The following GUCY2F variants were observed in gnomAD, a reference collection of about 807,000 sequenced individuals.
GUCY2F encodes the protein guanylate cyclase 2F, retinal.
Under a neutral mutation model 73.1 loss-of-function variants are expected in GUCY2F, and 61 were observed. The observed-to-expected ratio is 0.83, with a 90% CI of 0.68 to 1.03. GUCY2F has a LOEUF of 1.03. Among genes scored for constraint, GUCY2F ranks in the 50% least tolerant of loss-of-function variants. GUCY2F has a pLI of 0.00. For synonymous variants in GUCY2F, 331 were observed against 307.8 expected, an observed-to-expected ratio of 1.08 and a Z score of -0.79; for missense variants, 912 against 854.3, an observed-to-expected ratio of 1.07 and a Z score of -0.84.
chrX:109,442,114 A>G (rs1035714376), intron 6 of GUCY2F, among the ~76,000 whole-genome samples: 34 of 111,696 alleles, frequency 3.0e-4, no homozygotes, highest in Non-Finnish European at 6.2e-4. Flanking sequence ...CTATTTCTTG[A>G]TTTTTGAACT....
At chrX:109,451,781 G>A (rs1057394086) in intron 5 of GUCY2F, among the ~76,000 whole-genome samples, 3 of 111,415 alleles carry the variant, frequency 2.7e-5, no homozygotes, top group African/African-American at 6.5e-5. Context: ...CCATTGTGTT[G>A]AGAGCCAGAT....
At chrX:109,472,226 G>A (rs779055933) in intron 2 of GUCY2F, among the ~76,000 whole-genome samples, 15 of 107,529 alleles carry the variant, frequency 1.4e-4, no homozygotes, top group African/African-American at 5.2e-4. Flanking sequence ...CCACTGCTAC[G>A]GCCACGTGGC....
At chrX:109,383,411 C>T (rs1269903029) in intron 16 of GUCY2F, 37 of 730,877 alleles carry the variant, frequency 5.1e-5, no homozygotes, top group South Asian at 7.1e-5. Context: ...GACTGGGTCA[C>T]GAGTCACTTC....
chrX:109,383,709 G>A (rs1049813189), intron 16 of GUCY2F, among the ~76,000 whole-genome samples: 1 of 112,116 alleles, frequency 8.9e-6, no homozygotes, highest in Non-Finnish European at 1.9e-5. Context: ...ATAAACACCT[G>A]CTGTGGGTGA....
intron 7 of GUCY2F, among the ~76,000 whole-genome samples, chrX:109,440,940 G>A (rs1384946968): frequency 8.9e-6 from 1 of 112,068 alleles, no homozygotes; most frequent in Non-Finnish European, 1.9e-5. Context: ...AGTACAGGAA[G>A]AACAACTAGA....
chrX:109,398,743 A>G (rs1283657780), intron 10 of GUCY2F, 45 bp from the exon 11 acceptor site: 1 of 1,122,965 alleles, frequency 8.9e-7, no homozygotes, highest in Non-Finnish European at 1.2e-6. Context: ...GGATTAACTG[A>G]CAATATCTGC....
rs140547701 is a variant in GUCY2F, at chrX:109,470,214, T to C, written c.731-4771A>G. ...TGTTTTTCCTAAACTGCTATGTACA[T>C]AAGGCCTCTTAAATGCAAGAAGTCT... is the stretch of plus-strand genomic sequence containing the variant. On this transcript the variant is annotated intron_variant, in intron 2 of 19. Coordinates refer to ENST00000218006, the MANE Select transcript of GUCY2F (RefSeq NM_001522.3). Among the ~76,000 whole-genome samples, 1,047 of 112,178 alleles carry C rather than the reference T, an allele frequency of 9.3e-3. 11 individuals are homozygous for C. The highest frequency in any genetic ancestry group is 0.031 in the African/African-American group (967 of 30,870).
chrX:109,454,710 AT>A (rs896387039), intron 3 of GUCY2F, among the ~76,000 whole-genome samples: 4 of 111,921 alleles, frequency 3.6e-5, no homozygotes, highest in Non-Finnish European at 5.6e-5. Context: ...AAAATCTTGT[AT>A]CTTTTTTTCC....
chrX:109,390,700 G>A (rs1312801903), intron 14 of GUCY2F, among the ~76,000 whole-genome samples: 1 of 112,695 alleles, frequency 8.9e-6, no homozygotes, highest in Non-Finnish European at 1.9e-5. Context: ...AGTTTCAACT[G>A]AATTAGCTTT....
chrX:109,398,223 G>T (rs768670960), intron 11 of GUCY2F, among the ~76,000 whole-genome samples: 2 of 110,367 alleles, frequency 1.8e-5, no homozygotes, highest in South Asian at 8.3e-4. Context: ...CATCATGAGG[G>T]ATACTAAAAT....
At position 109,398,717 on chromosome X, in the gene GUCY2F, G is replaced by C. The variant is rs1338831456; in HGVS notation, c.2126-19C>G. 1 of 1,196,890 alleles carries C rather than the reference G, an allele frequency of 8.4e-7. No homozygotes were observed. The highest frequency in any genetic ancestry group is 1.1e-6 in the Non-Finnish European group (1 of 883,282). On this transcript the variant is annotated intron_variant, in intron 10 of 19. Coordinates refer to ENST00000218006, the MANE Select transcript of GUCY2F (RefSeq NM_001522.3). ...AGCAGCTCTAAAAAGAAAGCATTGT[G>C]TAATGAATGCAGGGAGGATTAACTG...
intron 19 of GUCY2F, among the ~76,000 whole-genome samples, chrX:109,374,897 A>T (rs953129793): frequency 8.9e-6 from 1 of 112,164 alleles, no homozygotes; most frequent in African/African-American, 3.2e-5. Flanking sequence ...GTAGAAATGA[A>T]GATGCATTGG....
Position 109,475,813 on chromosome X carries a change from TGACA to T in GUCY2F, c.120_123del (p.Val41CysfsTer14). 8.3e-7 allele frequency: 1 copy of T among 1,210,892 alleles called. No individual in the cohort carries two copies. On this transcript the variant is annotated frameshift_variant, in exon 2 of 20. Transcript: ENST00000218006. LOFTEE classifies it high-confidence loss of function. ...GTCCACACCTGCTGCGGAAGGGACA[TGACA>T]GACAGAAGGCACAAGCACCACAGGA...
intron 8 of GUCY2F, among the ~76,000 whole-genome samples, chrX:109,416,285 A>G (rs1394737121): frequency 9.0e-6 from 1 of 111,631 alleles, no homozygotes; most frequent in Non-Finnish European, 1.9e-5. Context: ...GATTTTATAA[A>G]TATATTTGAA....
chrX:109,383,311 GTAA>G, intron 16 of GUCY2F: 1 of 336,586 alleles, frequency 3.0e-6, no homozygotes, highest in African/African-American at 2.8e-5. Context: ...TTTCAGTAGA[GTAA>G]TCTTGATGGT....
intron 12 of GUCY2F, among the ~76,000 whole-genome samples, chrX:109,394,223 T>A (rs1351379521): frequency 1.8e-5 from 2 of 112,276 alleles, no homozygotes. Context: ...AGTCTCATGA[T>A]GTACACTCCC....
At chrX:109,402,530 G>A (rs944035017) in intron 10 of GUCY2F, among the ~76,000 whole-genome samples, 13 of 110,428 alleles carry the variant, frequency 1.2e-4, no homozygotes, top group Non-Finnish European at 1.7e-4. Flanking sequence ...GCGCCACCAC[G>A]CCCAGCTAAT....
intron 17 of GUCY2F, among the ~76,000 whole-genome samples, chrX:109,378,087 T>C (rs1217547713): frequency 9.0e-6 from 1 of 111,503 alleles, no homozygotes; most frequent in Non-Finnish European, 1.9e-5. Flanking sequence ...CCCCAAGCAG[T>C]CCTAGAGATC....
At chrX:109,432,044 C>A (rs1931629149) in intron 7 of GUCY2F, among the ~76,000 whole-genome samples, 1 of 111,559 alleles carries the variant, frequency 9.0e-6, no homozygotes, top group African/African-American at 3.3e-5. Context: ...AAGTGTGGTC[C>A]CTGGACCAGC....
Sources: gnomAD v4.1 joint callset for allele counts (sites outside exome capture counted in the v4.1 genomes callset) on GRCh38, gnomAD v4.1.1 for gene constraint, MANE v1.5 for transcripts, NCBI Gene and HGNC (gene_info 2026-07-23, HGNC 2026-07-21) for gene names.